LIN9: variants seen among roughly 807,000 people sequenced by gnomAD.
LIN9 encodes the protein protein lin-9 homolog.
A neutral mutation model predicts 78.0 loss-of-function variants in LIN9; 18 were observed. The ratio of observed to expected loss-of-function variants is 0.23; its 90% CI spans 0.16 to 0.34. The LOEUF is 0.34. Among genes scored for constraint, LIN9 ranks in the 10% least tolerant of loss-of-function variants. LIN9 has a pLI of 1.00. For synonymous variants in LIN9, 192 were observed against 215.2 expected (o/e 0.89, Z 0.94); for missense variants, 451 against 644.1 (o/e 0.70, Z 3.25).
At chr1:226,292,552 G>A (rs1399577828) in intron 4 of LIN9, among the ~76,000 whole-genome samples, 1 of 152,088 alleles carries the variant, frequency 6.6e-6, no homozygotes. Flanking sequence ...AATCTCCTGG[G>A]CTGAAGTGAT....
intron 7 of LIN9, among the ~76,000 whole-genome samples, chr1:226,269,674 G>A (rs1660141856): frequency 6.6e-6 from 1 of 152,104 alleles, no homozygotes; most frequent in Admixed American, 6.6e-5. Flanking sequence ...ATTTAACAGG[G>A]AGATCATGGA....
At chr1:226,268,874 C>A (rs1272426311) in intron 7 of LIN9, among the ~76,000 whole-genome samples, 2 of 152,198 alleles carry the variant, frequency 1.3e-5, no homozygotes, top group African/African-American at 2.4e-5. Flanking sequence ...CCCCAAGCAC[C>A]TTATTCTTTT....
intron 11 of LIN9, among the ~76,000 whole-genome samples, chr1:226,239,896 C>T (rs1558154363): frequency 6.6e-6 from 1 of 152,158 alleles, no homozygotes; most frequent in African/African-American, 2.4e-5. Flanking sequence ...CCTCTCTAGT[C>T]AAGGAAAATT....
chr1:226,284,939 G>A (rs1206204975), intron 6 of LIN9, among the ~76,000 whole-genome samples: 3 of 151,856 alleles, frequency 2.0e-5, no homozygotes, highest in Non-Finnish European at 4.4e-5. Context: ...TTCACCAATT[G>A]ATTTTTAAAA....
At chr1:226,239,700 T>G (rs1015186512) in intron 11 of LIN9, among the ~76,000 whole-genome samples, 14 of 152,220 alleles carry the variant, frequency 9.2e-5, no homozygotes, top group Admixed American at 9.2e-4. Flanking sequence ...TAATACATGC[T>G]AGCACAGTGC....
At chr1:226,309,202 T>G (rs1473982520), upstream of LIN9, 5 of 1,457,646 alleles carry the variant, frequency 3.4e-6, no homozygotes, top group Admixed American at 2.1e-5. Context: ...GGGCGGAGAC[T>G]GTCTTTGCGA....
chr1:226,294,525 T>A (rs1219268895), intron 4 of LIN9, among the ~76,000 whole-genome samples: 1 of 149,222 alleles, frequency 6.7e-6, no homozygotes, highest in Non-Finnish European at 1.5e-5. Flanking sequence ...TGAGCTGAGA[T>A]CACACCACTG....
chr1:226,274,073 T>C (rs1660480087), intron 7 of LIN9, among the ~76,000 whole-genome samples: 1 of 152,062 alleles, frequency 6.6e-6, no homozygotes, highest in South Asian at 2.1e-4. Flanking sequence ...CCTCAAGTGA[T>C]CCACTTGCCT....
chr1:226,252,629 T>C (rs900098592), intron 10 of LIN9, among the ~76,000 whole-genome samples: 2 of 152,142 alleles, frequency 1.3e-5, no homozygotes, highest in Non-Finnish European at 1.5e-5. Context: ...GATATTGACA[T>C]TTAAATTTTT....
At position 226,297,827 on chromosome 1, in the gene LIN9, T is replaced by A; in HGVS notation, c.65-14A>T. 6.8e-7 allele frequency: 1 copy of A among 1,465,924 alleles called. No homozygotes were observed. The highest frequency in any genetic ancestry group is 9.2e-7 in the Non-Finnish European group (1 of 1,087,896). 90.8% of individuals were successfully genotyped at this position (1,465,924 alleles called of 1,614,324 possible). A position where few individuals can be genotyped will look rare whatever the true frequency, so the allele number is the denominator to read the frequency against. Reference sequence around the variant, plus strand: ...ATAAGCTTCCTTCTGTAATAAATAGTTAATACTAATGGAATTTTGGCTTAG... The same window carrying A: ...ATAAGCTTCCTTCTGTAATAAATAGATAATACTAATGGAATTTTGGCTTAG... On this transcript the variant is annotated splice_polypyrimidine_tract_variant and intron_variant, in intron 2 of 14. Coordinates refer to ENST00000681046, the MANE Select transcript of LIN9 (RefSeq NM_001366245.2).
In LIN9 at chr1:226,268,011, T is replaced by C. The variant is rs776094025; in HGVS notation, c.762A>G (p.Val254=). Reference sequence around the variant, plus strand: ...TTCCAAGCCCTGTCCTATCAAAAGTTACTCTATAAGTAGCATTAAGAGTAT... The same window carrying C: ...TTCCAAGCCCTGTCCTATCAAAAGTCACTCTATAAGTAGCATTAAGAGTAT... ...AVDTLNATYR[V]TFDRTGLGTH... Residue 254 remains valine, a synonymous_variant, in exon 8 of 15, where the codon GTA becomes GTG. Coordinates refer to ENST00000681046, the MANE Select transcript of LIN9 (RefSeq NM_001366245.2). 6.2e-7 allele frequency: 1 copy of C among 1,614,056 alleles called. No homozygotes were observed. Among genetic ancestry groups the C allele is most frequent in the Non-Finnish European group, 8.5e-7 (1 of 1,179,922 alleles).
intron 7 of LIN9, among the ~76,000 whole-genome samples, chr1:226,270,647 C>A (rs1402765636): frequency 1.3e-5 from 2 of 151,728 alleles, no homozygotes; most frequent in African/African-American, 2.4e-5. Context: ...CATGGTGAAA[C>A]CCCATCTCTA....
At chr1:226,273,219 C>T (rs973691938) in intron 7 of LIN9, among the ~76,000 whole-genome samples, 11 of 149,838 alleles carry the variant, frequency 7.3e-5, no homozygotes, top group African/African-American at 2.5e-4. Flanking sequence ...TGTTCCCTGT[C>T]CCTTCTTTCC....
chr1:226,283,431 C>A (rs1661198578), intron 6 of LIN9, among the ~76,000 whole-genome samples: 1 of 151,286 alleles, frequency 6.6e-6, no homozygotes, highest in South Asian at 2.1e-4. Context: ...CAGCCTGAAT[C>A]ATCTACTTAT....
chr1:226,245,952 T>A (rs1658448560), intron 11 of LIN9, among the ~76,000 whole-genome samples: 1 of 152,232 alleles, frequency 6.6e-6, no homozygotes, highest in South Asian at 2.1e-4. Flanking sequence ...ATTATTTTAA[T>A]AGGTTAGAGA....
intron 2 of LIN9, among the ~76,000 whole-genome samples, chr1:226,299,884 T>C (rs1056055583): frequency 6.6e-6 from 1 of 152,082 alleles, no homozygotes; most frequent in Non-Finnish European, 1.5e-5. Flanking sequence ...CTATTATTCT[T>C]TTATTTTTAT....
At position 226,258,126 on chromosome 1, in the gene LIN9, G is replaced by A. The variant is rs903106540; in HGVS notation, c.1039-7207C>T. 3.3e-5 allele frequency among the ~76,000 whole-genome samples: 5 copies of A among 151,822 alleles called. 1 individual carries two copies. The highest frequency in any genetic ancestry group is 7.4e-5 in the Non-Finnish European group (5 of 67,966). ...TTAAGTCCAGGAGGTTGAGGCTGTA[G>A]TGAGCCACCGCACTCCAGCCTAGGC... On this transcript the variant is annotated intron_variant, in intron 10 of 14. Transcript: ENST00000681046.
At chr1:226,264,291 CACTGGA>C (rs939590450) in intron 10 of LIN9, among the ~76,000 whole-genome samples, 2 of 151,936 alleles carry the variant, frequency 1.3e-5, no homozygotes, top group Admixed American at 6.6e-5. Flanking sequence ...GAGGTGATTC[CACTGGA>C]ACCCGGGAGG....
intron 6 of LIN9, among the ~76,000 whole-genome samples, chr1:226,283,277 A>ATTTTTTTTTTTT (rs1558192477): frequency 1.0e-5 from 1 of 97,490 alleles, no homozygotes; most frequent in African/African-American, 4.2e-5. Context: ...GTAATTTTTG[A>ATTTTTTTTTTTT]ATTTTTTTTT....
Sources: allele counts gnomAD v4.1 joint callset (sites outside exome capture counted in the v4.1 genomes callset), GRCh38; gene constraint gnomAD v4.1.1; transcripts MANE v1.5; gene names NCBI Gene and HGNC (gene_info 2026-07-23, HGNC 2026-07-21).